KLF12: variants seen among roughly 807,000 people sequenced by gnomAD.
KLF12 encodes the protein KLF transcription factor 12.
Under a neutral mutation model 37.8 loss-of-function variants are expected in KLF12, and 9 were observed. The ratio of observed to expected loss-of-function variants is 0.24; its 90% CI spans 0.14 to 0.42. The LOEUF is 0.42. Among genes scored for constraint, KLF12 ranks in the 10% least tolerant of loss-of-function variants. KLF12 has a pLI of 1.00. For synonymous variants in KLF12, 208 were observed against 202.1 expected (o/e 1.03, Z -0.25); for missense variants, 411 against 516.0 (o/e 0.80, Z 1.97).
the KLF12 span, among the ~76,000 whole-genome samples, chr13:74,199,188 C>T: frequency 8.5e-4 from 130 of 152,294 alleles, 1 homozygote; most frequent in African/African-American, 2.7e-3. Flanking sequence ...CCCTGAGATG[C>T]CTTCTAACCC....
At chr13:73,708,329 G>T (rs1875104717) in intron 7 of KLF12, among the ~76,000 whole-genome samples, 1 of 151,942 alleles carries the variant, frequency 6.6e-6, no homozygotes, top group South Asian at 2.1e-4. Context: ...TGTCAATTGG[G>T]GATAGAAAAT....
At chr13:74,269,300 G>A in the KLF12 span, among the ~76,000 whole-genome samples, 2 of 152,126 alleles carry the variant, frequency 1.3e-5, no homozygotes, top group Admixed American at 6.5e-5. Flanking sequence ...CTCTCTCTTT[G>A]TATATAGTTA....
At position 73,986,487 on chromosome 13, in the gene KLF12, T is replaced by G. The variant is rs36107165; in HGVS notation, c.33+8503A>C. On this transcript the variant is annotated intron_variant, in intron 2 of 7. Transcript: ENST00000377669. ...GTTTATGACAAAGGTAACATGTACC[T>G]GCAATCACAGTCACTTACGTTTTTG... Among the ~76,000 whole-genome samples, 10 of 152,324 alleles carry G rather than the reference T, an allele frequency of 6.6e-5. No individual in the cohort carries two copies. The South Asian group carries it at 1.4e-3, about 22-fold the overall frequency.
the KLF12 span, among the ~76,000 whole-genome samples, chr13:74,247,180 T>C: frequency 6.6e-6 from 1 of 152,196 alleles, no homozygotes; most frequent in Non-Finnish European, 1.5e-5. Flanking sequence ...GTTTCTTACA[T>C]TGCAGTCAAA....
At chr13:73,820,810 T>C (rs9530248) in intron 4 of KLF12, among the ~76,000 whole-genome samples, 99,165 of 152,150 alleles carry the variant, frequency 0.65, 33,641 homozygotes, top group Non-Finnish European at 0.75. Flanking sequence ...TCAGTTGTAA[T>C]GCTGTTGGAC....
At chr13:73,775,908 G>C (rs990456617) in intron 5 of KLF12, among the ~76,000 whole-genome samples, 22 of 152,190 alleles carry the variant, frequency 1.4e-4, no homozygotes, top group African/African-American at 3.9e-4. Context: ...CTCTCAAGAA[G>C]GTGTTATAGC....
chr13:73,859,484 A>G (rs1458581085), intron 3 of KLF12, among the ~76,000 whole-genome samples: 2 of 152,196 alleles, frequency 1.3e-5, no homozygotes, highest in Non-Finnish European at 2.9e-5. Flanking sequence ...AAATTTCCTC[A>G]TGGAATTCAT....
intron 3 of KLF12, among the ~76,000 whole-genome samples, chr13:73,936,744 G>C (rs1414017758): frequency 6.6e-6 from 1 of 152,072 alleles, no homozygotes; most frequent in African/African-American, 2.4e-5. Flanking sequence ...AGTTCATCAC[G>C]TTTTCTGCTC....
chr13:74,100,144 C>T (rs778488822), intron 1 of KLF12, among the ~76,000 whole-genome samples: 39 of 151,980 alleles, frequency 2.6e-4, no homozygotes, highest in Non-Finnish European at 5.0e-4. Context: ...TGGTAACAGG[C>T]AGATGAGATA....
At chr13:73,851,174 C>T (rs1051587458) in intron 3 of KLF12, among the ~76,000 whole-genome samples, 1 of 152,196 alleles carries the variant, frequency 6.6e-6, no homozygotes, top group South Asian at 2.1e-4. Context: ...AGCAGAACTT[C>T]CTCCGGTTAG....
At chr13:73,959,704 T>C (rs1202345673) in intron 2 of KLF12, among the ~76,000 whole-genome samples, 1 of 152,096 alleles carries the variant, frequency 6.6e-6, no homozygotes, top group Non-Finnish European at 1.5e-5. Flanking sequence ...ATTCTCATTA[T>C]GGTTATTTCA....
intron 1 of KLF12, among the ~76,000 whole-genome samples, chr13:74,132,332 G>A (rs1010004214): frequency 6.6e-6 from 1 of 152,152 alleles, no homozygotes; most frequent in African/African-American, 2.4e-5. Context: ...CGTCTAGGTG[G>A]TTTTGCAGAA....
At chr13:73,883,295 T>C (rs1401272038) in intron 3 of KLF12, among the ~76,000 whole-genome samples, 2 of 152,180 alleles carry the variant, frequency 1.3e-5, no homozygotes, top group Non-Finnish European at 2.9e-5. Flanking sequence ...CCTCACAAGT[T>C]TCTCTTTGTT....
At chr13:73,878,467 A>T (rs145363232) in intron 3 of KLF12, among the ~76,000 whole-genome samples, 30 of 152,300 alleles carry the variant, frequency 2.0e-4, no homozygotes, top group African/African-American at 7.2e-4. Context: ...AATGCAAAGG[A>T]AGTACAAACT....
intron 6 of KLF12, among the ~76,000 whole-genome samples, chr13:73,717,639 A>G (rs1446473350): frequency 1.3e-5 from 2 of 152,156 alleles, no homozygotes; most frequent in Non-Finnish European, 2.9e-5. Flanking sequence ...TGCAAGATCT[A>G]CCACAGTAGA....
At chr13:74,243,447 T>G in the KLF12 span, among the ~76,000 whole-genome samples, 11 of 152,208 alleles carry the variant, frequency 7.2e-5, no homozygotes, top group African/African-American at 2.4e-4. Context: ...TAGGATGATT[T>G]ATAATCCTTT....
At chr13:74,090,325 T>G (rs938348999) in intron 1 of KLF12, among the ~76,000 whole-genome samples, 1 of 152,236 alleles carries the variant, frequency 6.6e-6, no homozygotes. Context: ...TATTCCCAGA[T>G]TGGAAGACTC....
At chr13:73,769,712 A>C (rs74095565) in intron 5 of KLF12, among the ~76,000 whole-genome samples, 5,669 of 152,280 alleles carry the variant, frequency 0.037, 371 homozygotes, top group African/African-American at 0.13. Flanking sequence ...AACAAAAAAA[A>C]AGATGTTCCT....
chr13:73,745,749 A>C (rs1241372396), intron 6 of KLF12, among the ~76,000 whole-genome samples: 1 of 152,208 alleles, frequency 6.6e-6, no homozygotes, highest in Admixed American at 6.5e-5. Context: ...TTCAGATAAC[A>C]CCAAGCAAAA....
Sources: allele counts gnomAD v4.1 joint callset (sites outside exome capture counted in the v4.1 genomes callset), GRCh38; gene constraint gnomAD v4.1.1; transcripts MANE v1.5; gene names NCBI Gene and HGNC (gene_info 2026-07-23, HGNC 2026-07-21).